SYNPR: variants seen among roughly 807,000 people sequenced by gnomAD.
SYNPR encodes synaptoporin.
In SYNPR, 23 loss-of-function variants were observed where a neutral mutation model predicts 32.9. That is an observed-to-expected ratio of 0.70 (90% CI 0.50 to 0.99). The LOEUF (loss-of-function observed/expected upper bound fraction) is 0.99. Ranked by LOEUF, SYNPR falls within the 50% of genes least tolerant of loss-of-function variation. The pLI, the probability that SYNPR is intolerant of heterozygous loss-of-function variation, is 0.00. For missense variants in SYNPR, 318 were observed against 349.3 expected, an observed-to-expected ratio of 0.91 and a Z score of 0.71; for synonymous variants, 146 against 135.9, an observed-to-expected ratio of 1.07 and a Z score of -0.52.
chr3:63,398,915 AG>A (rs2088253642), intron 2 of SYNPR, among the ~76,000 whole-genome samples: 1 of 152,214 alleles, frequency 6.6e-6, no homozygotes, highest in South Asian at 2.1e-4. Flanking sequence ...GCAGTTTTTA[AG>A]GATTCTTTTG....
chr3:63,341,402 T>A (rs1189539087), intron 2 of SYNPR, among the ~76,000 whole-genome samples: 1 of 152,204 alleles, frequency 6.6e-6, no homozygotes, highest in Non-Finnish European at 1.5e-5. Flanking sequence ...TATAGTGGAC[T>A]AAGCTTGGCT....
chr3:63,347,195 A>C (rs927569533), intron 2 of SYNPR, among the ~76,000 whole-genome samples: 1 of 152,218 alleles, frequency 6.6e-6, no homozygotes, highest in African/African-American at 2.4e-5. Flanking sequence ...TTTCTTAAAC[A>C]ACTATTTTCT....
In SYNPR at chr3:63,289,664, C is replaced by T. The variant is rs116408004; in HGVS notation, c.84+10922C>T. Among the ~76,000 whole-genome samples the T allele has an allele frequency of 1.6e-4, 25 of 152,188 alleles. No individual in the cohort carries two copies. The South Asian group carries it at 1.9e-3, about 11-fold the overall frequency. ...CTATTGGGCCCCACCTCCTAAATTACGGATCGAATTTCAACTTGAGATTTG... is the reference window on the plus strand; with the variant it reads ...CTATTGGGCCCCACCTCCTAAATTATGGATCGAATTTCAACTTGAGATTTG... On this transcript the variant is annotated intron_variant, in intron 2 of 5. Transcript: ENST00000478300.
intron 2 of SYNPR, among the ~76,000 whole-genome samples, chr3:63,303,079 T>C (rs1346236703): frequency 3.3e-5 from 5 of 151,858 alleles, no homozygotes; most frequent in Non-Finnish European, 5.9e-5. Context: ...TTCATAAACA[T>C]ATGTTTTAAG....
chr3:63,278,740 T>A lies in SYNPR; in HGVS notation c.82T>A (p.Leu28Met), dbSNP rs1295518410. ...CCTTGCCTTCCTGCGAGCCCTGGAA[T>A]TGGTGAGTAGCAGTGTGTGTGCAGG... ...EPLAFLRALE[L>M]LFAIFAFATC... The change falls in exon 2 of 6, where the codon TTG (leucine) becomes ATG (methionine). Residue 28 changes from leucine to methionine, a missense_variant and splice_region_variant. Transcript: ENST00000478300. 32 of 1,551,442 alleles carry A rather than the reference T, an allele frequency of 2.1e-5. No individual in the cohort carries two copies. The highest frequency in any genetic ancestry group is 2.7e-5 in the Non-Finnish European group (31 of 1,146,972).
intron 2 of SYNPR, among the ~76,000 whole-genome samples, chr3:63,287,638 T>C (rs1251532007): frequency 2.0e-5 from 3 of 152,078 alleles, no homozygotes; most frequent in Non-Finnish European, 4.4e-5. Context: ...TTAGAAAGTA[T>C]TGGTTAAGAA....
intron 4 of SYNPR, among the ~76,000 whole-genome samples, chr3:63,564,678 A>G (rs1384501618): frequency 6.6e-6 from 1 of 152,186 alleles, no homozygotes; most frequent in Non-Finnish European, 1.5e-5. Flanking sequence ...AATCCATTCA[A>G]AATTTTCCCG....
At chr3:63,389,698 C>T (rs2088106661) in intron 2 of SYNPR, among the ~76,000 whole-genome samples, 1 of 152,166 alleles carries the variant, frequency 6.6e-6, no homozygotes, top group African/African-American at 2.4e-5. Context: ...CAACATGCTG[C>T]CACCATAAAA....
intron 4 of SYNPR, among the ~76,000 whole-genome samples, chr3:63,582,522 C>T (rs576510436): frequency 5.9e-5 from 9 of 152,024 alleles, no homozygotes; most frequent in East Asian, 5.8e-4. Context: ...GGTCTTGATC[C>T]GCTGATATTC....
intron 2 of SYNPR, among the ~76,000 whole-genome samples, chr3:63,389,360 A>AATG (rs1257749881): frequency 1.3e-5 from 2 of 152,190 alleles, no homozygotes; most frequent in Non-Finnish European, 2.9e-5. Context: ...CACAGTCTAA[A>AATG]ATGATGTTGT....
intron 2 of SYNPR, among the ~76,000 whole-genome samples, chr3:63,285,169 A>T (rs2086668891): frequency 6.6e-6 from 1 of 152,240 alleles, no homozygotes; most frequent in African/African-American, 2.4e-5. Context: ...TTTTCTGAAA[A>T]TGCCAAGGAA....
chr3:63,237,137 G>A (rs750903845), intron 1 of SYNPR, among the ~76,000 whole-genome samples: 8 of 151,920 alleles, frequency 5.3e-5, no homozygotes, highest in Non-Finnish European at 1.0e-4. Context: ...CTTTTTCTAT[G>A]TCAATTCATA....
At chr3:63,414,857 A>G (rs1358891067) in intron 2 of SYNPR, among the ~76,000 whole-genome samples, 1 of 152,158 alleles carries the variant, frequency 6.6e-6, no homozygotes, top group African/African-American at 2.4e-5. Flanking sequence ...ATACATATGT[A>G]TATTTTGAAT....
intron 2 of SYNPR, among the ~76,000 whole-genome samples, chr3:63,335,410 TAA>T (rs971760918): frequency 6.9e-6 from 1 of 145,936 alleles, no homozygotes; most frequent in African/African-American, 2.5e-5. Context: ...GCCAATAATA[TAA>T]GTGTTGGGTT....
the SYNPR span, among the ~76,000 whole-genome samples, chr3:63,210,123 A>T: frequency 1.3e-5 from 2 of 152,204 alleles, no homozygotes; most frequent in Non-Finnish European, 2.9e-5. Flanking sequence ...TAAGAGTGTT[A>T]GTTTTGTGTA....
At chr3:63,282,684 GA>G (rs34234414) in intron 2 of SYNPR, among the ~76,000 whole-genome samples, 33,346 of 115,588 alleles carry the variant, frequency 0.29, 3,892 homozygotes, top group East Asian at 0.4. Flanking sequence ...CACTGTCTCA[GA>G]AAAAAAAAAA....
intron 3 of SYNPR, among the ~76,000 whole-genome samples, chr3:63,507,120 C>T (rs35363187): frequency 2.6e-5 from 4 of 151,398 alleles, no homozygotes; most frequent in South Asian, 2.1e-4. Context: ...GCACTCCAGC[C>T]TGGGTGACAG....
chr3:63,501,494 CAAAAA>C (rs377290258), intron 3 of SYNPR, among the ~76,000 whole-genome samples: 179 of 96,722 alleles, frequency 1.9e-3, no homozygotes, highest in African/African-American at 6.6e-3. Flanking sequence ...CTCCCCCAAC[CAAAAA>C]AAAAAAAAAA....
At chr3:63,452,688 C>G (rs144191542) in intron 2 of SYNPR, among the ~76,000 whole-genome samples, 39 of 152,188 alleles carry the variant, frequency 2.6e-4, no homozygotes, top group African/African-American at 8.9e-4. Flanking sequence ...GAAAATGAGA[C>G]GTAGAGAGCC....
Sources: gnomAD v4.1 joint callset for allele counts (sites outside exome capture counted in the v4.1 genomes callset) on GRCh38, gnomAD v4.1.1 for gene constraint, MANE v1.5 for transcripts, NCBI Gene and HGNC (gene_info 2026-07-23, HGNC 2026-07-21) for gene names.